DNAH9: variants seen among roughly 807,000 people sequenced by gnomAD.
DNAH9 encodes DNAH9 variant protein.
A neutral mutation model predicts 471.6 loss-of-function variants in DNAH9; 345 were observed. The ratio of observed to expected loss-of-function variants is 0.73; its 90% confidence interval spans 0.67 to 0.80. The LOEUF is 0.80. Ranked by LOEUF, DNAH9 falls within the 30% of genes least tolerant of loss-of-function variation. The probability of loss-of-function intolerance (pLI) is 0.00; values close to 1 mark genes in which losing one functional copy is unlikely to be tolerated. For missense variants in DNAH9, 5,407 were observed against 5,609.2 expected, an observed-to-expected ratio of 0.96 and a Z score of 1.15; for synonymous variants, 2,093 against 2,123.6, an observed-to-expected ratio of 0.99 and a Z score of 0.40.
At chr17:11,943,769 G>A (rs939518717) in intron 67 of DNAH9, among the ~76,000 whole-genome samples, 6 of 152,146 alleles carry the variant, frequency 3.9e-5, no homozygotes, top group African/African-American at 1.4e-4. Flanking sequence ...CTCAACATGG[G>A]TAGAAGGAAA....
chr17:11,642,848 T>C (rs74933062), intron 10 of DNAH9, among the ~76,000 whole-genome samples: 100 of 151,898 alleles, frequency 6.6e-4, no homozygotes, highest in Non-Finnish European at 1.1e-3. Context: ...CTCTCCTTGC[T>C]GCCTGGCAGA....
intron 26 of DNAH9, among the ~76,000 whole-genome samples, chr17:11,710,398 G>C (rs1250356934): frequency 6.6e-6 from 1 of 152,126 alleles, no homozygotes; most frequent in African/African-American, 2.4e-5. Context: ...CCAAGAAGCA[G>C]AATAATTAGA....
At chr17:11,822,261 G>A (rs992257708) in intron 46 of DNAH9, among the ~76,000 whole-genome samples, 177 bp from the exon 47 acceptor site, 2 of 152,190 alleles carry the variant, frequency 1.3e-5, no homozygotes, top group African/African-American at 4.8e-5. Context: ...TGTGGATCAC[G>A]CAGTCCCAGC....
Position 11,647,071 on chromosome 17 carries a change from G to A in DNAH9, c.1971-1G>A. The A allele has an allele frequency of 1.2e-6, 2 of 1,613,808 alleles. No homozygotes were observed. Among genetic ancestry groups the A allele is most frequent in the Non-Finnish European group, 1.7e-6 (2 of 1,179,818 alleles). ...GTGGCTGTTGTCTCTGACCCTTGCA[G>A]GTATGAGACAAGACTTTATGAGGAT... is the stretch of plus-strand genomic sequence containing the variant. On this transcript the variant is annotated splice_acceptor_variant, in intron 11 of 68. Coordinates refer to ENST00000262442, the MANE Select transcript of DNAH9 (RefSeq NM_001372.4). LOFTEE classifies it high-confidence loss of function.
chr17:11,763,181 T>C (rs1403534007), intron 35 of DNAH9, among the ~76,000 whole-genome samples: 1 of 151,436 alleles, frequency 6.6e-6, no homozygotes, highest in Non-Finnish European at 1.5e-5. Flanking sequence ...GAAGAAGAAG[T>C]GGGAGGGGGA....
rs1362842953 is a variant in DNAH9, at chr17:11,598,704, G to A, written c.206G>A (p.Arg69Gln). The change falls in exon 1 of 69, where the codon CGG (arginine) becomes CAG (glutamine). Residue 69 changes from arginine (R) to glutamine (Q), a missense_variant. Arg to Gln is a conservative substitution (Grantham distance 43). Transcript: ENST00000262442. ...GGCCGCGATGCTGCCGAGGGGCCGC[G>A]GCCGCTGCTGGTGGTGCGGCCCGGG... ...FLGRDAAEGP[R>Q]PLLVVRPGPR... The A allele has an allele frequency of 7.3e-6, 10 of 1,372,296 alleles. No individual in the cohort carries two copies. Among genetic ancestry groups the A allele is most frequent in the Non-Finnish European group, 8.4e-6 (9 of 1,069,568 alleles). The allele number at this position is 1,372,296 out of a possible 1,614,324, so 85.0% of individuals were successfully genotyped here.
intron 17 of DNAH9, among the ~76,000 whole-genome samples, chr17:11,673,983 C>A (rs1044476900): frequency 2.0e-5 from 3 of 152,098 alleles, no homozygotes; most frequent in Non-Finnish European, 2.9e-5. Flanking sequence ...ATATATTTTT[C>A]TGTGTTCTAT....
chr17:11,689,421 C>A, intron 19 of DNAH9, 145 bp from the exon 20 acceptor site: 2 of 695,626 alleles, frequency 2.9e-6, no homozygotes, highest in Non-Finnish European at 4.8e-6. Context: ...TATTTGCTTT[C>A]GTGAAAAGAA....
rs963828975 is a variant in DNAH9, at chr17:11,797,929, T to C, written c.8420+136T>C. On this transcript the variant is annotated intron_variant, in intron 43 of 68. Coordinates refer to ENST00000262442, the MANE Select transcript of DNAH9 (RefSeq NM_001372.4). Reference sequence around the variant, plus strand: ...CTTCTGCCTTAAAAGTCAAGATGGCTGCTGGCAGAGCAGCTGCAGCTCCTG... The same window carrying C: ...CTTCTGCCTTAAAAGTCAAGATGGCCGCTGGCAGAGCAGCTGCAGCTCCTG... The C allele has an allele frequency of 1.3e-5, 11 of 858,168 alleles. No individual in the cohort carries two copies. In the African/African-American group the frequency reaches 1.9e-4, roughly 15 times the overall value. 53.2% of individuals were successfully genotyped at this position (858,168 alleles called of 1,614,324 possible).
intron 17 of DNAH9, among the ~76,000 whole-genome samples, chr17:11,670,363 T>G (rs1190698600): frequency 3.3e-5 from 5 of 152,186 alleles, no homozygotes; most frequent in Non-Finnish European, 7.3e-5. Context: ...ATCCATGTAG[T>G]CAACAGTCCC....
At chr17:11,795,060 A>C (rs1454459478) in intron 42 of DNAH9, among the ~76,000 whole-genome samples, 1 of 111,136 alleles carries the variant, frequency 9.0e-6, no homozygotes, top group Non-Finnish European at 1.9e-5. Flanking sequence ...GTACCCTAGA[A>C]CTTAAAGTAT....
chr17:11,947,351 C>A (rs1975164365), intron 67 of DNAH9, among the ~76,000 whole-genome samples: 1 of 152,162 alleles, frequency 6.6e-6, no homozygotes, highest in Non-Finnish European at 1.5e-5. Flanking sequence ...AACAGACTGC[C>A]CAGAAATTAT....
At chr17:11,611,233 T>C (rs1471011165) in intron 3 of DNAH9, among the ~76,000 whole-genome samples, 1 of 152,234 alleles carries the variant, frequency 6.6e-6, no homozygotes, top group Non-Finnish European at 1.5e-5. Flanking sequence ...CCTGTAGGGC[T>C]CCAGCCTTTT....
At position 11,723,676 on chromosome 17, in the gene DNAH9, C is replaced by CT. The variant is rs908664510; in HGVS notation, c.5710-4133dup. Among the ~76,000 whole-genome samples, 342 of 149,492 alleles carry CT rather than the reference C, an allele frequency of 2.3e-3. 1 individual carries two copies. The highest frequency in any genetic ancestry group is 7.2e-3 in the Admixed American group (108 of 15,008). The stretch of plus-strand genomic sequence containing the variant: ...CTGTAAAAAATTGAATTTTTTTTTT[C>CT]TTTTTTTTTGAGATGGAGTCTCGCT... On this transcript the variant is annotated intron_variant, in intron 27 of 68. Transcript: ENST00000262442.
chr17:11,894,683 C>G (rs1973168666), intron 59 of DNAH9, among the ~76,000 whole-genome samples, 187 bp downstream of exon 59: 2 of 152,176 alleles, frequency 1.3e-5, no homozygotes, highest in African/African-American at 4.8e-5. Flanking sequence ...AGAGAAGAAG[C>G]AGGTGCATGC....
chr17:11,939,948 G>T (rs1597853113), intron 66 of DNAH9, among the ~76,000 whole-genome samples: 2 of 152,096 alleles, frequency 1.3e-5, no homozygotes, highest in Admixed American at 6.6e-5. Context: ...TGGATGGACG[G>T]ATGATAGAGG....
chr17:11,894,005 C>A (rs565938572), intron 58 of DNAH9, among the ~76,000 whole-genome samples: 1 of 152,146 alleles, frequency 6.6e-6, no homozygotes, highest in African/African-American at 2.4e-5. Context: ...TTCTAGCTGC[C>A]GTATATCCAT....
intron 39 of DNAH9, among the ~76,000 whole-genome samples, chr17:11,781,927 A>G (rs1264762151): frequency 3.3e-5 from 5 of 151,826 alleles, no homozygotes; most frequent in Non-Finnish European, 7.4e-5. Flanking sequence ...AGAGCAGCTC[A>G]GAGGGCTGGA....
chr17:11,957,644 T>TTGAACCA (rs1975719899), intron 67 of DNAH9, among the ~76,000 whole-genome samples: 1 of 150,866 alleles, frequency 6.6e-6, no homozygotes, highest in African/African-American at 2.4e-5. Flanking sequence ...AAAACTGTTC[T>TTGAACCA]CTTCAGCAGA....
Sources: allele counts gnomAD v4.1 joint callset (sites outside exome capture counted in the v4.1 genomes callset), GRCh38; gene constraint gnomAD v4.1.1; transcripts MANE v1.5; gene names NCBI Gene and HGNC (gene_info 2026-07-23, HGNC 2026-07-21).